Variants in GPC3 observed in about 807,000 individuals in gnomAD.
GPC3 encodes the protein glypican-3.
GPC3 carries 3 observed loss-of-function variants against 34.4 expected under a neutral mutation model. That is an observed-to-expected ratio of 0.09 (90% CI 0.04 to 0.23). The LOEUF (loss-of-function observed/expected upper bound fraction) is 0.23. Among genes scored for constraint, GPC3 ranks in the 10% least tolerant of loss-of-function variants. GPC3 has a pLI of 1.00. For synonymous variants in GPC3, 177 were observed against 174.0 expected, an observed-to-expected ratio of 1.02 and a Z score of -0.13; for missense variants, 351 against 445.6, an observed-to-expected ratio of 0.79 and a Z score of 1.91.
intron 6 of GPC3, among the ~76,000 whole-genome samples, chrX:133,644,425 G>C (rs1327118161): frequency 1.8e-5 from 2 of 111,992 alleles, no homozygotes; most frequent in Non-Finnish European, 3.8e-5. Context: ...ATTAATGGTA[G>C]CTAACTATAA....
intron 4 of GPC3, among the ~76,000 whole-genome samples, chrX:133,694,982 T>C: frequency 9.0e-6 from 1 of 111,105 alleles, no homozygotes; most frequent in Non-Finnish European, 1.9e-5. Flanking sequence ...CCACAAAGAA[T>C]GTGAATATAT....
intron 7 of GPC3, among the ~76,000 whole-genome samples, chrX:133,585,678 A>G (rs1346286216): frequency 9.0e-6 from 1 of 111,309 alleles, no homozygotes; most frequent in Non-Finnish European, 1.9e-5. Context: ...ACCCAGCGAG[A>G]GGCTTCAGGC....
At chrX:133,694,009 T>C (rs1381961291) in intron 4 of GPC3, among the ~76,000 whole-genome samples, 3 of 110,837 alleles carry the variant, frequency 2.7e-5, no homozygotes, top group Non-Finnish European at 3.8e-5. Context: ...CACCATGTTT[T>C]CACACAGTAT....
intron 7 of GPC3, among the ~76,000 whole-genome samples, chrX:133,574,818 G>C (rs1382160948): frequency 8.9e-6 from 1 of 112,360 alleles, no homozygotes; most frequent in Non-Finnish European, 1.9e-5. Context: ...AGAATGAAAT[G>C]TAATGAGGCT....
chrX:133,769,752 G>T (rs2071893340), intron 2 of GPC3, among the ~76,000 whole-genome samples: 1 of 112,095 alleles, frequency 8.9e-6, no homozygotes, highest in Admixed American at 9.5e-5. Context: ...GAGCCTAAAA[G>T]CCTAGTGCAA....
intron 2 of GPC3, among the ~76,000 whole-genome samples, chrX:133,893,562 A>T (rs1021292976): frequency 1.8e-5 from 2 of 111,941 alleles, no homozygotes; most frequent in Non-Finnish European, 3.8e-5. Context: ...AAAAAATAAT[A>T]ATGGTAGAGT....
intron 2 of GPC3, among the ~76,000 whole-genome samples, chrX:133,927,806 T>A (rs1367430249): frequency 9.2e-6 from 1 of 108,717 alleles, no homozygotes; most frequent in Admixed American, 1.0e-4. Flanking sequence ...CTATATTTCT[T>A]TTATAAAATA....
intron 5 of GPC3, among the ~76,000 whole-genome samples, chrX:133,686,768 AACACACACACACACACAC>A (rs762283767): frequency 4.1e-5 from 4 of 98,026 alleles, no homozygotes; most frequent in Non-Finnish European, 8.3e-5. Flanking sequence ...ATTTTACCTC[AACACACACACACACACAC>A]ACACACACAC....
Position 133,628,883 on chromosome X carries a change from A to G in GPC3, c.1414-32284T>C, listed in dbSNP as rs749832273. Among the ~76,000 whole-genome samples the G allele has an allele frequency of 2.9e-3, 327 of 111,459 alleles. 2 individuals are homozygous for G. Among genetic ancestry groups the G allele is most frequent in the African/African-American group, 0.01 (310 of 30,690 alleles). ...CCTATGAAGCCATATAATTCACAGT[A>G]AAAATTCTCTTCAGAATCTGCTATG... On this transcript the variant is annotated intron_variant, in intron 6 of 7. Coordinates refer to ENST00000370818, the MANE Select transcript of GPC3 (RefSeq NM_004484.4).
At chrX:133,744,066 G>A (rs1288096571) in intron 3 of GPC3, among the ~76,000 whole-genome samples, 1 of 112,003 alleles carries the variant, frequency 8.9e-6, no homozygotes, top group African/African-American at 3.2e-5. Flanking sequence ...AACCCTAGAA[G>A]AAAACCTAGG....
In GPC3 at chrX:133,792,252, T is replaced by C. The variant is rs1166262605; in HGVS notation, c.338-38076A>G. On this transcript the variant is annotated intron_variant, in intron 2 of 7. Coordinates refer to ENST00000370818, the MANE Select transcript of GPC3 (RefSeq NM_004484.4). Reference sequence around the variant, plus strand: ...AACCCCACCCCAAAATGAATGGAAGTTCCACTAAGACAAGGATTTTTGTAC... The same window carrying C: ...AACCCCACCCCAAAATGAATGGAAGCTCCACTAAGACAAGGATTTTTGTAC... Among the ~76,000 whole-genome samples, 6 of 111,844 alleles carry C rather than the reference T, an allele frequency of 5.4e-5. No homozygotes were observed. In the East Asian group the frequency reaches 1.7e-3, roughly 31 times the overall value.
chrX:133,846,120 GCAA>G (rs1185931305), intron 2 of GPC3, among the ~76,000 whole-genome samples: 1 of 112,090 alleles, frequency 8.9e-6, no homozygotes, highest in Non-Finnish European at 1.9e-5. Flanking sequence ...TGCCTCACAT[GCAA>G]ATAACTGTTT....
intron 7 of GPC3, among the ~76,000 whole-genome samples, chrX:133,579,490 C>T (rs2069715151): frequency 8.9e-6 from 1 of 112,877 alleles, no homozygotes; most frequent in Admixed American, 9.3e-5. Context: ...AGCACTCTGC[C>T]TAGGGCTAGG....
intron 2 of GPC3, among the ~76,000 whole-genome samples, chrX:133,897,047 C>G (rs1254206124): frequency 9.2e-6 from 1 of 108,235 alleles, no homozygotes; most frequent in African/African-American, 3.4e-5. Context: ...GCTGGGACTA[C>G]AGGCGCCCAC....
intron 7 of GPC3, among the ~76,000 whole-genome samples, chrX:133,568,685 G>A (rs1330994935): frequency 4.5e-5 from 5 of 111,088 alleles, no homozygotes; most frequent in African/African-American, 1.6e-4. Context: ...GGAGGAAGGA[G>A]CATTTAAACT....
At chrX:133,855,197 T>C (rs2132717) in intron 2 of GPC3, among the ~76,000 whole-genome samples, 38,998 of 109,305 alleles carry the variant, frequency 0.36, 7,114 homozygotes, top group African/African-American at 0.7. Flanking sequence ...GGGTCCTGTT[T>C]TGTCACCCAG....
rs192445080 is a variant in GPC3 at position 133,869,707 on chromosome X, G to A, written c.337+83343C>T. Among the ~76,000 whole-genome samples the A allele has an allele frequency of 3.1e-3, 350 of 112,159 alleles. 2 individuals carry two copies. The highest frequency in any genetic ancestry group is 5.1e-3 in the Non-Finnish European group (273 of 53,211). On this transcript the variant is annotated intron_variant, in intron 2 of 7. Transcript: ENST00000370818. ...TTACACCTGTAATCCCAGCACTTTG[G>A]GAGGCCGAGGCCGGCACATCACGAG...
chrX:133,856,066 T>G (rs1295111175), intron 2 of GPC3, among the ~76,000 whole-genome samples: 3 of 112,240 alleles, frequency 2.7e-5, no homozygotes, highest in Non-Finnish European at 1.9e-5. Flanking sequence ...TGTGATAATA[T>G]TTCAATGAAC....
intron 2 of GPC3, among the ~76,000 whole-genome samples, chrX:133,894,733 G>A (rs925661001): frequency 4.5e-5 from 5 of 111,735 alleles, no homozygotes; most frequent in Non-Finnish European, 7.5e-5. Context: ...CCAGCTACTC[G>A]GGAGGCTGAG....
Sources: gnomAD v4.1 joint callset for allele counts (sites outside exome capture counted in the v4.1 genomes callset) on GRCh38, gnomAD v4.1.1 for gene constraint, MANE v1.5 for transcripts, NCBI Gene and HGNC (gene_info 2026-07-23, HGNC 2026-07-21) for gene names.